The following CRAMP1 variants were observed in gnomAD, a reference collection of about 807,000 sequenced individuals.
CRAMP1 encodes the protein cramped chromatin regulator 1.
In CRAMP1, 50 loss-of-function variants were observed where a neutral mutation model predicts 115.4. The ratio of observed to expected loss-of-function variants is 0.43; its 90% CI spans 0.35 to 0.55. The LOEUF is 0.55. Among genes scored for constraint, CRAMP1 ranks in the 20% least tolerant of loss-of-function variants. The pLI is 0.01. For missense variants in CRAMP1, 1,679 were observed against 1,721.7 expected, an observed-to-expected ratio of 0.98 and a Z score of 0.44; for synonymous variants, 866 against 745.4, an observed-to-expected ratio of 1.16 and a Z score of -2.64.
chr16:1,665,961 C>T (rs1048512594), intron 14 of CRAMP1, 112 bp from the exon 15 acceptor site: 9 of 694,236 alleles, frequency 1.3e-5, no homozygotes, highest in African/African-American at 5.3e-5. Context: ...CAGCTTGGCT[C>T]GGCTCCCACA....
chr16:1,666,262 T>C lies in CRAMP1; in HGVS notation c.2857+85T>C. 1 of 1,219,468 alleles carries C rather than the reference T, an allele frequency of 8.2e-7. No individual in the cohort carries two copies. The allele number at this position is 1,219,468 out of a possible 1,614,324, so 75.5% of individuals were successfully genotyped here. ...ACCAGGTTTTTTGAATGTTTTCTTC[T>C]CCAAATCATAATGTCTCATTACCCT... On this transcript the variant is annotated intron_variant, in intron 15 of 20. Transcript: ENST00000397412. This position sits in a 1 kb window ranked among gnomAD's most constrained non-coding sequence, Gnocchi z 5.0.
chr16:1,620,157 C>T (rs150199529), intron 2 of CRAMP1, among the ~76,000 whole-genome samples: 132 of 152,252 alleles, frequency 8.7e-4, no homozygotes, highest in Middle Eastern at 3.4e-3. Context: ...GCTCCAAGAC[C>T]AGAGCTGCTG....
chr16:1,658,601 G>A (rs1352078486), intron 10 of CRAMP1, among the ~76,000 whole-genome samples: 4 of 152,182 alleles, frequency 2.6e-5, no homozygotes, highest in Non-Finnish European at 5.9e-5. Flanking sequence ...TCAGGTGTGG[G>A]GCCAGGTGGC....
Position 1,641,127 on chromosome 16 carries a change from T to C in CRAMP1, c.779-12T>C, listed in dbSNP as rs1403384190. On this transcript the variant is annotated splice_polypyrimidine_tract_variant and intron_variant, in intron 5 of 20. Transcript: ENST00000397412. ...CATTGTGGTCTCATTTATTTATTTT[T>C]TCCATTTAAAGGTATGGATGACAAG... is the stretch of plus-strand genomic sequence containing the variant. 3 of 1,599,480 alleles carry C rather than the reference T, an allele frequency of 1.9e-6. No individual in the cohort carries two copies. In the African/African-American group the frequency reaches 4.0e-5, roughly 21 times the overall value.
In CRAMP1 at chr16:1,647,144, C is replaced by T. The variant is rs916583429; in HGVS notation, c.828-5352C>T. ...GCGATTGGGGTATTTGACTTGCTGTCGCCTCTACCTCTCATGCAGACCTGT... is the reference window on the plus strand; with the variant it reads ...GCGATTGGGGTATTTGACTTGCTGTTGCCTCTACCTCTCATGCAGACCTGT... On this transcript the variant is annotated intron_variant, in intron 6 of 20. Coordinates refer to ENST00000397412, the MANE Select transcript of CRAMP1 (RefSeq NM_020825.4). The T allele has an allele frequency of 4.1e-5, 28 of 690,956 alleles. No individual in the cohort carries two copies. The Middle Eastern group carries it at 1.4e-3, about 34-fold the overall frequency. The allele number at this position is 690,956 out of a possible 1,614,324, so 42.8% of individuals were successfully genotyped here. A position where few individuals can be genotyped will look rare whatever the true frequency, so the allele number is the denominator to read the frequency against.
At chr16:1,652,421 CCT>C (rs1390799763) in intron 6 of CRAMP1, 73 bp from the exon 7 acceptor site, 9 of 1,361,194 alleles carry the variant, frequency 6.6e-6, no homozygotes, top group Admixed American at 2.2e-5. Context: ...TGGCTCAGCG[CCT>C]CTCCGTGTGC....
intron 6 of CRAMP1, among the ~76,000 whole-genome samples, chr16:1,645,119 T>C (rs574278679): frequency 8.2e-5 from 12 of 145,962 alleles, no homozygotes; most frequent in African/African-American, 2.4e-4. Context: ...ACAGAAAAAC[T>C]GTGTACAGAG....
intron 3 of CRAMP1, among the ~76,000 whole-genome samples, chr16:1,630,843 T>TA (rs756472155): frequency 2.6e-5 from 4 of 152,364 alleles, no homozygotes; most frequent in Non-Finnish European, 4.4e-5. Flanking sequence ...GATTCTATGT[T>TA]ACGCATTTCT....
At chr16:1,621,457 G>A (rs185506694) in intron 2 of CRAMP1, among the ~76,000 whole-genome samples, 73 of 152,352 alleles carry the variant, frequency 4.8e-4, no homozygotes, top group African/African-American at 1.7e-3. Context: ...CAGGCGGTGC[G>A]GATGGGAAGG....
At position 1,668,038 on chromosome 16, in the gene CRAMP1, C is replaced by CA; in HGVS notation, c.3180dup (p.Glu1061ArgfsTer25). The CA allele has an allele frequency of 6.2e-7, 1 of 1,613,960 alleles. No individual in the cohort carries two copies. The highest frequency in any genetic ancestry group is 8.5e-7 in the Non-Finnish European group (1 of 1,179,888). On this transcript the variant is annotated frameshift_variant, in exon 18 of 21. Transcript: ENST00000397412. LOFTEE classifies it high-confidence loss of function. Reference sequence around the variant, plus strand: ...GGCCTCTCCATACCGCTGTCCTCGTCAGAGAGCTCCAGCACCCGGCTGTCT... The same window carrying CA: ...GGCCTCTCCATACCGCTGTCCTCGTCAAGAGAGCTCCAGCACCCGGCTGTCT...
intron 7 of CRAMP1, 25 bp from the exon 8 acceptor site, chr16:1,653,008 C>CTT: frequency 6.2e-7 from 1 of 1,613,342 alleles, no homozygotes; most frequent in Non-Finnish European, 8.5e-7. Context: ...CTGCACTAAA[C>CTT]TTTCATGGTT....
chr16:1,667,310 G>A (rs1490492678), intron 16 of CRAMP1, 25 bp from the exon 17 acceptor site: 1 of 1,609,542 alleles, frequency 6.2e-7, no homozygotes, highest in Non-Finnish European at 8.5e-7. Context: ...CCCTGCGGCT[G>A]CTCATGGGCG....
chr16:1,653,309 GAGTCCAGGGAGCACTGGGCTGC>G (rs1231671071), intron 8 of CRAMP1, among the ~76,000 whole-genome samples, 153 bp downstream of exon 8: 2 of 152,212 alleles, frequency 1.3e-5, no homozygotes, highest in Non-Finnish European at 2.9e-5. Context: ...GAGGCGACTG[GAGTCCAGGGAGCACTGGGCTGC>G]AGTCCTGTAT....
In CRAMP1 at chr16:1,656,044, C is replaced by G; in HGVS notation, c.1287C>G (p.Gly429=). ...KAFCTVHWQE[G]GRCKQSAKDA... ...TCTGCACAGTGCACTGGCAGGAGGG[C>G]GGCCGGTGCAAGCAGAGTGCCAAGG... is the stretch of plus-strand genomic sequence containing the variant. The change falls in exon 10 of 21, where the codon GGC becomes GGG. Residue 429 remains glycine (G), a synonymous_variant. Coordinates refer to ENST00000397412, the MANE Select transcript of CRAMP1 (RefSeq NM_020825.4). The surrounding 1 kb of genome is among the most constrained non-coding windows in gnomAD (Gnocchi z 5.6). 6.2e-7 allele frequency: 1 copy of G among 1,611,656 alleles called. No individual in the cohort carries two copies. The highest frequency in any genetic ancestry group is 8.5e-7 in the Non-Finnish European group (1 of 1,179,482).
At chr16:1,652,907 T>C in intron 7 of CRAMP1, 126 bp from the exon 8 acceptor site, 1 of 1,159,212 alleles carries the variant, frequency 8.6e-7, no homozygotes, top group Non-Finnish European at 1.2e-6. Flanking sequence ...GTTTCTCTGC[T>C]CTCCTTGCCT....
At chr16:1,661,065 C>T (rs2036825187) in intron 11 of CRAMP1, among the ~76,000 whole-genome samples, 1 of 151,858 alleles carries the variant, frequency 6.6e-6, no homozygotes, top group African/African-American at 2.4e-5. Context: ...AACAGTGGCT[C>T]ATGCCTATAA....
chr16:1,646,216 A>G (rs2036673218), intron 6 of CRAMP1, among the ~76,000 whole-genome samples: 1 of 152,158 alleles, frequency 6.6e-6, no homozygotes, highest in Non-Finnish European at 1.5e-5. Flanking sequence ...GTGTTGATGA[A>G]GAAGTGCCCA....
intron 2 of CRAMP1, among the ~76,000 whole-genome samples, chr16:1,617,718 C>T (rs2036432710): frequency 6.6e-6 from 1 of 152,172 alleles, no homozygotes; most frequent in Admixed American, 6.5e-5. Context: ...GGAAAGTCTG[C>T]TTGTTTGGCT....
rs779597601 is a variant in CRAMP1 at position 1,670,651 on chromosome 16, C to A, written c.3500-13C>A. 1.2e-6 allele frequency: 2 copies of A among 1,613,600 alleles called. No homozygotes were observed. Among genetic ancestry groups the A allele is most frequent in the Non-Finnish European group, 1.7e-6 (2 of 1,179,728 alleles). ...AGGGTTCAGGGTGTTTTCCTCTGGC[C>A]TTTTCTCCGCAGCAAGCTTCATCTC... On this transcript the variant is annotated splice_polypyrimidine_tract_variant and intron_variant, in intron 19 of 20. Coordinates refer to ENST00000397412, the MANE Select transcript of CRAMP1 (RefSeq NM_020825.4).
Sources: allele counts gnomAD v4.1 joint callset (sites outside exome capture counted in the v4.1 genomes callset), GRCh38; gene constraint gnomAD v4.1.1; non-coding constraint Gnocchi (gnomAD v3.1); transcripts MANE v1.5; gene names NCBI Gene and HGNC (gene_info 2026-07-23, HGNC 2026-07-21).